The following MINK1 variants were observed in gnomAD, a reference collection of about 807,000 sequenced individuals.
MINK1 encodes misshapen like kinase 1.
In MINK1, 46 loss-of-function variants were observed where a neutral mutation model predicts 178.4. The ratio of observed to expected loss-of-function variants is 0.26; its 90% CI spans 0.20 to 0.33. The LOEUF (loss-of-function observed/expected upper bound fraction) is 0.33, where lower values mean the gene tolerates loss of function less well. Ranked by LOEUF, MINK1 falls within the 10% of genes least tolerant of loss-of-function variation. MINK1 has a pLI of 1.00. For missense variants in MINK1, 1,366 were observed against 1,814.9 expected, an observed-to-expected ratio of 0.75 and a Z score of 4.49; for synonymous variants, 797 against 709.7, an observed-to-expected ratio of 1.12 and a Z score of -1.96.
chr17:4,895,587 G>T lies in MINK1; in HGVS notation c.3229+94G>T. The T allele has an allele frequency of 6.5e-7, 1 of 1,547,630 alleles. No individual in the cohort carries two copies. Among genetic ancestry groups the T allele is most frequent in the East Asian group, 2.3e-5 (1 of 43,638 alleles). On this transcript the variant is annotated intron_variant, in intron 26 of 31. Coordinates refer to ENST00000355280, the MANE Select transcript of MINK1 (RefSeq NM_153827.5). This position sits in a 1 kb window ranked among gnomAD's most constrained non-coding sequence, Gnocchi z 4.3. ...GGGAGGAGGGCAGGCACTGGAAGGT[G>T]GGGCCACACTTTCTCACCCCTTGTG...
chr17:4,860,702 A>G (rs1385340591), intron 1 of MINK1: 5 of 519,754 alleles, frequency 9.6e-6, no homozygotes, highest in African/African-American at 7.7e-5. Flanking sequence ...AGCAGAGCAA[A>G]GAAGCAAGGG....
At chr17:4,860,491 A>G (rs1258155974) in intron 1 of MINK1, among the ~76,000 whole-genome samples, 1 of 150,974 alleles carries the variant, frequency 6.6e-6, no homozygotes, top group Non-Finnish European at 1.5e-5. Flanking sequence ...AAATAATCAA[A>G]CCCTTTGTTT....
intron 1 of MINK1, chr17:4,875,422 C>T: frequency 2.2e-6 from 1 of 450,300 alleles, no homozygotes; most frequent in South Asian, 1.6e-5. Context: ...CTACAGTGAG[C>T]TGTGATCATG....
At chr17:4,868,593 A>T (rs1915393651) in intron 1 of MINK1, among the ~76,000 whole-genome samples, 1 of 152,102 alleles carries the variant, frequency 6.6e-6, no homozygotes, top group Admixed American at 6.6e-5. Context: ...GACAGATTTC[A>T]TTACTTTTTA....
chr17:4,865,427 C>G (rs1296538513), intron 1 of MINK1, among the ~76,000 whole-genome samples: 2 of 151,704 alleles, frequency 1.3e-5, no homozygotes, highest in Non-Finnish European at 2.9e-5. Context: ...GGGTGAGACA[C>G]TGTCTCAAAA....
At chr17:4,874,264 G>T (rs868678591) in intron 1 of MINK1, among the ~76,000 whole-genome samples, 13 of 152,220 alleles carry the variant, frequency 8.5e-5, no homozygotes, top group African/African-American at 2.9e-4. Flanking sequence ...ATGGATGAAT[G>T]AAATGAGATA....
At chr17:4,890,903 G>C in intron 14 of MINK1, 48 bp from the exon 15 acceptor site, 2 of 1,550,590 alleles carry the variant, frequency 1.3e-6, no homozygotes, top group Non-Finnish European at 1.7e-6. Context: ...TCAGTTTTGA[G>C]AACAGGGAGG....
At chr17:4,882,616 G>A (rs1033291225) in intron 4 of MINK1, among the ~76,000 whole-genome samples, 2 of 152,184 alleles carry the variant, frequency 1.3e-5, no homozygotes, top group Admixed American at 1.3e-4. Flanking sequence ...AGGGCCAGAT[G>A]GTAAATATTT....
intron 1 of MINK1, among the ~76,000 whole-genome samples, chr17:4,870,637 C>A (rs909505683): frequency 6.6e-6 from 1 of 151,726 alleles, no homozygotes; most frequent in African/African-American, 2.4e-5. Context: ...CCAGCTTGGG[C>A]GACATAGTGA....
chr17:4,841,010 G>A (rs542654500), intron 1 of MINK1, among the ~76,000 whole-genome samples: 21 of 152,232 alleles, frequency 1.4e-4, no homozygotes, highest in African/African-American at 4.3e-4. Context: ...GATAGTTGGC[G>A]AGGGAGGAGA....
chr17:4,890,014 A>C (rs1597554042), intron 13 of MINK1: 22 of 418,804 alleles, frequency 5.3e-5, no homozygotes, highest in East Asian at 1.3e-4. Flanking sequence ...ATCCCCCCTC[A>C]TTCCCTGTGC....
At chr17:4,839,716 C>T (rs1176804228) in intron 1 of MINK1, among the ~76,000 whole-genome samples, 1 of 151,750 alleles carries the variant, frequency 6.6e-6, no homozygotes, top group Non-Finnish European at 1.5e-5. Context: ...TTACTAAGGG[C>T]GGGAATAGTA....
In MINK1 at chr17:4,895,608, T is replaced by C; in HGVS notation, c.3230-90T>C. 6.4e-7 allele frequency: 1 copy of C among 1,561,004 alleles called. No individual in the cohort carries two copies. The highest frequency in any genetic ancestry group is 8.7e-7 in the Non-Finnish European group (1 of 1,150,346). On this transcript the variant is annotated intron_variant, in intron 26 of 31. Coordinates refer to ENST00000355280, the MANE Select transcript of MINK1 (RefSeq NM_153827.5). The surrounding 1 kb of genome is among the most constrained non-coding windows in gnomAD (Gnocchi z 4.3). ...AGGTGGGGCCACACTTTCTCACCCC[T>C]TGTGGTATGCTGACAGAGGAGGCCA...
intron 18 of MINK1, 63 bp from the exon 19 acceptor site, chr17:4,892,590 TGCA>T (rs2151054393): frequency 1.3e-6 from 2 of 1,542,998 alleles, no homozygotes; most frequent in African/African-American, 2.7e-5. Flanking sequence ...CCCTCTGCAG[TGCA>T]GCTCAGCACC....
At position 4,886,605 on chromosome 17, in the gene MINK1, C is replaced by T; in HGVS notation, c.928C>T (p.Arg310Trp). 2.5e-6 allele frequency: 4 copies of T among 1,599,372 alleles called. No homozygotes were observed. The highest frequency in any genetic ancestry group is 3.4e-6 in the Non-Finnish European group (4 of 1,172,114). ...IQLKDHIDRS[R>W]KKRGEKEETE... ...GCTTAAGGACCACATTGACCGATCC[C>T]GGAAGAAGCGGGGTGAGAAAGGTCA... Residue 310 changes from arginine to tryptophan, a missense_variant, in exon 10 of 32, where the codon CGG becomes TGG. Arg to Trp is a moderately radical substitution (Grantham distance 101). Transcript: ENST00000355280. The surrounding 1 kb of genome is among the most constrained non-coding windows in gnomAD (Gnocchi z 6.1).
chr17:4,887,782 G>A lies in MINK1; in HGVS notation c.1222G>A (p.Val408Met), dbSNP rs568641229. 38 of 1,512,140 alleles carry A rather than the reference G, an allele frequency of 2.5e-5. No homozygotes were observed. Among genetic ancestry groups the A allele is most frequent in the Admixed American group, 1.1e-4 (5 of 44,470 alleles). 93.7% of individuals were successfully genotyped at this position (1,512,140 alleles called of 1,614,324 possible). A position where few individuals can be genotyped will look rare whatever the true frequency, so the allele number is the denominator to read the frequency against. Residue 408 changes from valine to methionine, a missense_variant, in exon 12 of 32, where the codon GTG becomes ATG. This residue lies in a region of MINK1 where 18 missense variants were observed against 40.7 expected (regional missense o/e 0.44). Transcript: ENST00000355280. The surrounding 1 kb of genome is among the most constrained non-coding windows in gnomAD (Gnocchi z 7.6). ...IEEQKEERRR[V>M]EEQQRREREQ... ...GGAGCAGAAGGAGGAGCGGCGCCGC[G>A]TGGAGGAGGTGGGCTGTCTCCGAAG...
intron 1 of MINK1, among the ~76,000 whole-genome samples, chr17:4,851,247 C>G (rs980121509): frequency 6.6e-6 from 1 of 152,124 alleles, no homozygotes; most frequent in African/African-American, 2.4e-5. Context: ...GTTTCCACAT[C>G]GGTGAATTCT....
chr17:4,893,116 T>G, intron 20 of MINK1, 49 bp downstream of exon 20: 1 of 1,539,744 alleles, frequency 6.5e-7, no homozygotes, highest in Non-Finnish European at 8.8e-7. Context: ...GGTTTGGGGC[T>G]TAGCCTCAGG....
intron 14 of MINK1, 83 bp from the exon 15 acceptor site, chr17:4,890,868 G>C: frequency 2.6e-6 from 4 of 1,534,408 alleles, no homozygotes; most frequent in Middle Eastern, 1.7e-4. Flanking sequence ...GCATAGGGCG[G>C]GAGTAGTTAG....
Sources: allele counts gnomAD v4.1 joint callset (sites outside exome capture counted in the v4.1 genomes callset), GRCh38; gene constraint gnomAD v4.1.1; regional missense constraint gnomAD v4.1.1; non-coding constraint Gnocchi (gnomAD v3.1); transcripts MANE v1.5; gene names NCBI Gene and HGNC (gene_info 2026-07-23, HGNC 2026-07-21).